Variants in FBXO9 observed in about 807,000 individuals in gnomAD.
FBXO9 encodes F-box protein 9, also known as F-box only protein 9.
In FBXO9, 43 loss-of-function variants were observed where a neutral mutation model predicts 63.7. The ratio of observed to expected loss-of-function variants is 0.67; its 90% CI spans 0.53 to 0.87. The LOEUF (loss-of-function observed/expected upper bound fraction) is 0.87. FBXO9 is among the 40% of genes least tolerant of loss of function. The pLI is 0.00. For synonymous variants in FBXO9, 156 were observed against 171.7 expected (o/e 0.91, Z 0.72); for missense variants, 442 against 533.2 (o/e 0.83, Z 1.68).
chr6:53,094,007 TTCTTA>T (rs1261955497), intron 11 of FBXO9, 29 bp downstream of exon 11: 2 of 1,427,114 alleles, frequency 1.4e-6, no homozygotes, highest in Non-Finnish European at 1.9e-6. Flanking sequence ...ATTAATAGTT[TTCTTA>T]TCTTAATAGC....
rs550864569 is a variant in FBXO9 at position 53,065,810 on chromosome 6, C to T, written c.3+18C>T. 62 of 1,346,742 alleles carry T rather than the reference C, an allele frequency of 4.6e-5. 1 individual carries two copies. In the East Asian group the frequency reaches 1.8e-3, roughly 39 times the overall value. 83.4% of individuals were successfully genotyped at this position (1,346,742 alleles called of 1,614,324 possible). A position where few individuals can be genotyped will look rare whatever the true frequency, so the allele number is the denominator to read the frequency against. The stretch of plus-strand genomic sequence containing the variant: ...CCAGCATGGTAACCTGGCCAGGGGG[C>T]TCGAGGGTGGACGCCGCGGGGCGGG... On this transcript the variant is annotated intron_variant, in intron 1 of 12. Coordinates refer to ENST00000323557, the MANE Select transcript of FBXO9 (RefSeq NM_033480.3).
intron 1 of FBXO9, 172 bp downstream of exon 1, chr6:53,065,964 G>T (rs1768681500): frequency 6.9e-6 from 8 of 1,160,222 alleles, no homozygotes; most frequent in South Asian, 4.0e-5. Flanking sequence ...GGGGGCGGGG[G>T]GTGCCAACCC....
At chr6:53,097,441 A>G (rs1258657427) in intron 12 of FBXO9, among the ~76,000 whole-genome samples, 1 of 152,168 alleles carries the variant, frequency 6.6e-6, no homozygotes, top group Non-Finnish European at 1.5e-5. Context: ...GTGGGAAAAT[A>G]CAAATAATTA....
Position 53,093,475 on chromosome 6 carries a change from A to C in FBXO9, c.873A>C (p.Arg291Ser). The C allele has an allele frequency of 6.2e-7, 1 of 1,613,176 alleles. No homozygotes were observed. Among genetic ancestry groups the C allele is most frequent in the Non-Finnish European group, 8.5e-7 (1 of 1,179,274 alleles). Residue 291 changes from arginine (R) to serine (S), a missense_variant, in exon 10 of 13, where the codon AGA (arginine) becomes AGC (serine). Coordinates refer to ENST00000323557, the MANE Select transcript of FBXO9 (RefSeq NM_033480.3). ...TTTTCTTATTACATAGGTACATAAG[A>C]TTCTTTCCTGATGGCCATGTGATGA... is the stretch of plus-strand genomic sequence containing the variant. ...WHQVEYYRYI[R>S]FFPDGHVMML...
rs1763322528 is a variant in FBXO9, at chr6:53,100,578, A to ACCCC, written c.*2750_*2753dup. On this transcript the variant is annotated 3_prime_UTR_variant, in exon 13 of 13. Transcript: ENST00000323557. ...GGCTGGGAGTGTAGACTTCAGTTACACCCCCAGCCCCCAGGGGAAAGCATT... is the reference window on the plus strand; with the variant it reads ...GGCTGGGAGTGTAGACTTCAGTTACACCCCCCCCCAGCCCCCAGGGGAAAGCATT... The ACCCC allele has an allele frequency of 2.0e-5, 3 of 151,606 alleles. No homozygotes were observed. Among genetic ancestry groups the ACCCC allele is most frequent in the Admixed American group, 2.0e-4 (3 of 15,228 alleles). The allele number at this position is 151,606 out of a possible 1,614,324, so 9.4% of individuals were successfully genotyped here.
At chr6:53,076,414 A>G in intron 3 of FBXO9, 72 bp from the exon 4 acceptor site, 1 of 918,890 alleles carries the variant, frequency 1.1e-6, no homozygotes, top group Non-Finnish European at 1.6e-6. Context: ...TTTATTAAAA[A>G]GGCTCTCCTT....
At chr6:53,081,240 C>A in intron 6 of FBXO9, 142 bp downstream of exon 6, 1 of 828,994 alleles carries the variant, frequency 1.2e-6, no homozygotes, top group Non-Finnish European at 1.9e-6. Context: ...TTATCATTTG[C>A]ATATACTATT....
At chr6:53,076,585 A>T (rs1474283336) in intron 4 of FBXO9, 42 bp downstream of exon 4, 1 of 1,364,512 alleles carries the variant, frequency 7.3e-7, no homozygotes, top group South Asian at 1.5e-5. Context: ...ACATTTCTGA[A>T]TAATGACTCT....
rs760030223 is a variant in FBXO9 at position 53,071,014 on chromosome 6, G to A, written c.4-43G>A. 4.5e-6 allele frequency: 7 copies of A among 1,553,770 alleles called. No individual in the cohort carries two copies. In the African/African-American group the frequency reaches 8.2e-5, roughly 18 times the overall value. On this transcript the variant is annotated intron_variant, in intron 1 of 12. Coordinates refer to ENST00000323557, the MANE Select transcript of FBXO9 (RefSeq NM_033480.3). ...AAATGTAGATTGCAGAGGGCAACTG[G>A]TGTGTTTATATGCCTGACATTATTT...
intron 4 of FBXO9, among the ~76,000 whole-genome samples, chr6:53,077,769 G>GATC (rs1478708163): frequency 6.6e-6 from 1 of 152,152 alleles, no homozygotes; most frequent in African/African-American, 2.4e-5. Flanking sequence ...AGGCCCAGTT[G>GATC]ATCAAGTCCC....
intron 3 of FBXO9, among the ~76,000 whole-genome samples, chr6:53,075,402 C>T (rs1769060980): frequency 6.7e-6 from 1 of 149,620 alleles, no homozygotes; most frequent in Non-Finnish European, 1.5e-5. Context: ...GGTGCGGTGG[C>T]TCACTTCTGT....
intron 7 of FBXO9, among the ~76,000 whole-genome samples, chr6:53,085,857 A>C (rs1762864220): frequency 6.6e-6 from 1 of 152,184 alleles, no homozygotes; most frequent in Non-Finnish European, 1.5e-5. Context: ...CAACTAGAAA[A>C]TCCCAAAGTT....
At chr6:53,091,763 T>G (rs1763046515) in intron 7 of FBXO9, 1 of 152,452 alleles carries the variant, frequency 6.6e-6, no homozygotes, top group South Asian at 2.1e-4. Context: ...CCCTTCTGAC[T>G]CAGCCACTGT....
chr6:53,066,709 A>G (rs762370462), intron 1 of FBXO9, among the ~76,000 whole-genome samples: 1 of 152,222 alleles, frequency 6.6e-6, no homozygotes, highest in African/African-American at 2.4e-5. Flanking sequence ...CTTAGCCTTT[A>G]TAATTTATTA....
At chr6:53,076,054 A>T (rs971951535) in intron 3 of FBXO9, among the ~76,000 whole-genome samples, 7 of 152,054 alleles carry the variant, frequency 4.6e-5, no homozygotes, top group Non-Finnish European at 8.8e-5. Flanking sequence ...AGATGCTAAT[A>T]TTTTTGATGT....
At chr6:53,066,435 T>A (rs1414775905) in intron 1 of FBXO9, among the ~76,000 whole-genome samples, 1 of 152,266 alleles carries the variant, frequency 6.6e-6, no homozygotes, top group African/African-American at 2.4e-5. Context: ...TCCATGAGAC[T>A]GTTCCATATT....
chr6:53,096,411 C>T (rs1381861678), intron 12 of FBXO9, among the ~76,000 whole-genome samples: 1 of 152,204 alleles, frequency 6.6e-6, no homozygotes, highest in Admixed American at 6.5e-5. Context: ...TTGAGGTCAG[C>T]TTCCATTGCC....
intron 7 of FBXO9, among the ~76,000 whole-genome samples, chr6:53,087,266 C>T (rs1321593688): frequency 1.4e-5 from 2 of 146,454 alleles, no homozygotes; most frequent in Non-Finnish European, 3.0e-5. Flanking sequence ...CACCCGAGCC[C>T]AGGAGTTCAA....
intron 1 of FBXO9, 36 bp downstream of exon 1, chr6:53,065,828 G>C (rs1768674546): frequency 7.6e-7 from 1 of 1,321,726 alleles, no homozygotes. Context: ...TGGACGCCGC[G>C]GGGCGGGAGC....
Sources: gnomAD v4.1 joint callset for allele counts (sites outside exome capture counted in the v4.1 genomes callset) on GRCh38, gnomAD v4.1.1 for gene constraint, MANE v1.5 for transcripts, NCBI Gene and HGNC (gene_info 2026-07-23, HGNC 2026-07-21) for gene names.